The following GNAT2 variants were observed in gnomAD, a reference collection of about 807,000 sequenced individuals.
The protein encoded by GNAT2 is G protein subunit alpha transducin 2.
Under a neutral mutation model 40.9 loss-of-function variants are expected in GNAT2, and 32 were observed. The ratio of observed to expected loss-of-function variants is 0.78; its 90% confidence interval spans 0.59 to 1.05. The LOEUF (loss-of-function observed/expected upper bound fraction) is 1.05. Among genes scored for constraint, GNAT2 ranks in the 50% least tolerant of loss-of-function variants. The pLI is 0.00. For synonymous variants in GNAT2, 141 were observed against 157.2 expected, an observed-to-expected ratio of 0.90 and a Z score of 0.77; for missense variants, 355 against 431.5, an observed-to-expected ratio of 0.82 and a Z score of 1.57.
In GNAT2 at chr1:109,604,071, T is replaced by C. The variant is rs1358178810; in HGVS notation, c.754A>G (p.Ser252Gly). The change falls in exon 8 of 9, where the codon AGC (serine) becomes GGC (glycine). Residue 252 changes from serine (S) to glycine (G), a missense_variant. Ser to Gly is a moderately conservative substitution (Grantham distance 56, BLOSUM62 0). Coordinates refer to ENST00000679935, the MANE Select transcript of GNAT2 (RefSeq NM_001377295.2). ...GCAAAGAATTTGTGGTTACATATGC[T>C]GTTGAACAGATGCAAAGACTCATGC... ...RMHESLHLFN[S>G]ICNHKFFAAT... 3 of 1,611,550 alleles carry C rather than the reference T, an allele frequency of 1.9e-6. No individual in the cohort carries two copies. The African/African-American group carries it at 4.0e-5, about 22-fold the overall frequency.
chr1:109,603,855 C>T, intron 8 of GNAT2, 96 bp downstream of exon 8: 2 of 926,860 alleles, frequency 2.2e-6, no homozygotes, highest in Admixed American at 1.7e-5. Flanking sequence ...CAAGGTTCTC[C>T]CTTAAGTTCC....
chr1:109,607,648 G>A (rs959122847), intron 5 of GNAT2: 3 of 152,208 alleles, frequency 2.0e-5, no homozygotes, highest in South Asian at 4.1e-4. Context: ...CTTGGCTAGG[G>A]TCAAGAGAAA....
Position 109,606,054 on chromosome 1 carries a change from G to A in GNAT2, c.636C>T (p.Ile212=), listed in dbSNP as rs2101123812. 6.2e-7 allele frequency: 1 copy of A among 1,613,000 alleles called. No homozygotes were observed. The highest frequency in any genetic ancestry group is 1.1e-5 in the South Asian group (1 of 91,050). The change falls in exon 7 of 9, where the codon ATC becomes ATT. Residue 212 remains isoleucine (I), a synonymous_variant. Transcript: ENST00000679935. ...TGCAGGTGACTCCCTCGAAGCAGTG[G>A]ATCCACTTCTTTCTCTCGGATCTCT... The part of the protein sequence containing the change: ...GGQRSERKKW[I]HCFEGVTCII...
chr1:109,609,946 AC>A, intron 4 of GNAT2, 93 bp downstream of exon 4: 1 of 1,248,792 alleles, frequency 8.0e-7, no homozygotes. Context: ...TATTTTTCTT[AC>A]CCATCTTTCC....
chr1:109,615,620 A>AAAAG (rs1553227376), intron 1 of GNAT2: 7,384 of 126,696 alleles, frequency 0.058, 436 homozygotes, highest in African/African-American at 0.14. Flanking sequence ...AAAAAAAAAA[A>AAAAG]AAAAGAAAAG....
chr1:109,606,740 G>A (rs965301459), intron 5 of GNAT2: 10 of 371,600 alleles, frequency 2.7e-5, no homozygotes, highest in South Asian at 2.0e-4. Flanking sequence ...ATGAGATTTA[G>A]TGGGTGCTAA....
At chr1:109,619,277 T>C (rs966397338) in intron 1 of GNAT2, among the ~76,000 whole-genome samples, 1 of 152,232 alleles carries the variant, frequency 6.6e-6, no homozygotes, top group African/African-American at 2.4e-5. Context: ...TCATTTATCT[T>C]AACCACCATA....
Position 109,608,065 on chromosome 1 carries a change from T to G in GNAT2, c.461+566A>C, listed in dbSNP as rs189404207. ...TAGCTTTTTGGAAGCAGCTTTGCAATGATGGTACTAATTCCTGACCACCTT... is the reference window on the plus strand; with the variant it reads ...TAGCTTTTTGGAAGCAGCTTTGCAAGGATGGTACTAATTCCTGACCACCTT... On this transcript the variant is annotated intron_variant, in intron 5 of 8. Coordinates refer to ENST00000679935, the MANE Select transcript of GNAT2 (RefSeq NM_001377295.2). The G allele has an allele frequency of 2.1e-4, 37 of 175,724 alleles. No individual in the cohort carries two copies. In the East Asian group the frequency reaches 4.4e-3, roughly 21 times the overall value. The allele number at this position is 175,724 out of a possible 1,614,324, so 10.9% of individuals were successfully genotyped here.
At chr1:109,612,548 G>T in intron 2 of GNAT2, 4 of 602,480 alleles carry the variant, frequency 6.6e-6, no homozygotes, top group Non-Finnish European at 1.2e-5. Context: ...GAATAGCCTT[G>T]GCATTCTGGA....
chr1:109,611,416 T>C (rs1469150464), intron 2 of GNAT2: 1 of 152,166 alleles, frequency 6.6e-6, no homozygotes, highest in African/African-American at 2.4e-5. Flanking sequence ...TGACCTCAGG[T>C]AGATCCACCC....
rs1261348526 is a variant in GNAT2, at chr1:109,603,112, TTA to T, written c.*240_*241del. On this transcript the variant is annotated 3_prime_UTR_variant, in exon 9 of 9. Coordinates refer to ENST00000679935, the MANE Select transcript of GNAT2 (RefSeq NM_001377295.2). Reference sequence around the variant, plus strand: ...GAAATAAAGTATTCACAGTTTTGTATTAAGTTGGAAAACCAGTACTGGAACCT... The same window carrying T: ...GAAATAAAGTATTCACAGTTTTGTATAGTTGGAAAACCAGTACTGGAACCT... 1 of 560,334 alleles carries T rather than the reference TTA, an allele frequency of 1.8e-6. No homozygotes were observed. The highest frequency in any genetic ancestry group is 1.9e-5 in the African/African-American group (1 of 52,904). 34.7% of individuals were successfully genotyped at this position (560,334 alleles called of 1,614,324 possible). A position where few individuals can be genotyped will look rare whatever the true frequency, so the allele number is the denominator to read the frequency against.
chr1:109,609,031 A>G, intron 4 of GNAT2: 1 of 547,146 alleles, frequency 1.8e-6, no homozygotes, highest in Non-Finnish European at 3.3e-6. Flanking sequence ...GGTCCCAGGT[A>G]TTTCCTCTCT....
At chr1:109,610,267 T>A in intron 3 of GNAT2, 86 bp from the exon 4 acceptor site, 1 of 1,436,258 alleles carries the variant, frequency 7.0e-7, no homozygotes, top group Admixed American at 1.7e-5. Flanking sequence ...TAAAGGATCA[T>A]AAGAATCCTA....
Position 109,605,956 on chromosome 1 carries a change from C to G in GNAT2, c.720+14G>C. Reference sequence around the variant, plus strand: ...CTTGTTCTACCAAAGCTGCTTGATGCAAAGGCCACTCACCACTTCGTCATC... The same window carrying G: ...CTTGTTCTACCAAAGCTGCTTGATGGAAAGGCCACTCACCACTTCGTCATC... On this transcript the variant is annotated intron_variant, in intron 7 of 8. Coordinates refer to ENST00000679935, the MANE Select transcript of GNAT2 (RefSeq NM_001377295.2). 6.2e-7 allele frequency: 1 copy of G among 1,612,466 alleles called. No individual in the cohort carries two copies. Among genetic ancestry groups the G allele is most frequent in the Non-Finnish European group, 8.5e-7 (1 of 1,178,974 alleles).
Position 109,610,066 on chromosome 1 carries a change from T to C in GNAT2, c.277A>G (p.Ile93Val). 1.2e-6 allele frequency: 2 copies of C among 1,614,122 alleles called. No homozygotes were observed. The highest frequency in any genetic ancestry group is 1.7e-6 in the Non-Finnish European group (2 of 1,179,956). Residue 93 changes from isoleucine (I) to valine (V), a missense_variant, in exon 4 of 9, where the codon ATC (isoleucine) becomes GTC (valine). Ile to Val is a conservative substitution (Grantham distance 29). Coordinates refer to ENST00000679935, the MANE Select transcript of GNAT2 (RefSeq NM_001377295.2). ...AIIRAMTTLGIDYAEPSCADD... is the reference protein window; with the variant it reads ...AIIRAMTTLGVDYAEPSCADD... Reference sequence around the variant, plus strand: ...GCACAGCTTGGTTCAGCATAATCGATGCCCAGTGTGGTCATGGCCCGGATG... The same window carrying C: ...GCACAGCTTGGTTCAGCATAATCGACGCCCAGTGTGGTCATGGCCCGGATG...
At chr1:109,606,185 A>C (rs1649587548) in intron 6 of GNAT2, 86 bp from the exon 7 acceptor site, 4 of 1,573,378 alleles carry the variant, frequency 2.5e-6, no homozygotes, top group Non-Finnish European at 3.5e-6. Flanking sequence ...GTGGGAGAGG[A>C]AAAGGGGGAG....
At chr1:109,611,554 T>G (rs1466486666) in intron 2 of GNAT2, 1 of 152,024 alleles carries the variant, frequency 6.6e-6, no homozygotes, top group Non-Finnish European at 1.5e-5. Context: ...GCTAAGTGGG[T>G]TCCCTTTATT....
At chr1:109,619,012 G>C (rs898933204) in intron 1 of GNAT2, among the ~76,000 whole-genome samples, 1 of 152,122 alleles carries the variant, frequency 6.6e-6, no homozygotes, top group Admixed American at 6.5e-5. Context: ...ATAGGGAAGA[G>C]ATTAATTCCT....
At chr1:109,612,256 T>C (rs984845561) in intron 2 of GNAT2, 1 of 193,872 alleles carries the variant, frequency 5.2e-6, no homozygotes, top group African/African-American at 2.3e-5. Context: ...TTCCAAAGTT[T>C]TTACTGAAAG....
Sources: gnomAD v4.1 joint callset for allele counts (sites outside exome capture counted in the v4.1 genomes callset) on GRCh38, gnomAD v4.1.1 for gene constraint, MANE v1.5 for transcripts, NCBI Gene and HGNC (gene_info 2026-07-23, HGNC 2026-07-21) for gene names.